MCPH1: variants seen among roughly 807,000 people sequenced by gnomAD.
MCPH1 encodes microcephalin 1.
In MCPH1, 104 loss-of-function variants were observed where a neutral mutation model predicts 84.5. That is an observed-to-expected ratio of 1.23 (90% CI 1.05 to 1.45). MCPH1 has a LOEUF of 1.45. MCPH1 is among the 40% of genes most tolerant of loss of function. The probability of loss-of-function intolerance (pLI) is 0.00; values close to 1 mark genes in which losing one functional copy is unlikely to be tolerated. For synonymous variants in MCPH1, 514 were observed against 366.8 expected (o/e 1.40, Z -4.58); for missense variants, 1,498 against 1,005.7 (o/e 1.49, Z -6.62).
chr8:6,633,765 G>C (rs1797334784), intron 13 of MCPH1, among the ~76,000 whole-genome samples: 1 of 152,136 alleles, frequency 6.6e-6, no homozygotes. Context: ...ACCTCACGTG[G>C]GGCCGAGAAC....
At chr8:6,631,633 C>A (rs1280070250) in intron 13 of MCPH1, among the ~76,000 whole-genome samples, 1 of 150,928 alleles carries the variant, frequency 6.6e-6, no homozygotes, top group Non-Finnish European at 1.5e-5. Flanking sequence ...CAGCACCTCA[C>A]ACCCATTATG....
In MCPH1 at chr8:6,406,657, C is replaced by T. The variant is rs748563799; in HGVS notation, c.-11C>T. On this transcript the variant is annotated 5_prime_UTR_variant, in exon 1 of 14. Transcript: ENST00000344683. The stretch of plus-strand genomic sequence containing the variant: ...CCGCGTAGGCCAGCTGGCCGGATCC[C>T]GCCGTCTGTCATGGCGGCCCCCATC... 8.1e-6 allele frequency: 13 copies of T among 1,611,830 alleles called. No individual in the cohort carries two copies. The highest frequency in any genetic ancestry group is 4.5e-5 in the East Asian group (2 of 44,830).
At chr8:6,549,699 G>T (rs904647654) in intron 12 of MCPH1, among the ~76,000 whole-genome samples, 1 of 137,556 alleles carries the variant, frequency 7.3e-6, no homozygotes, top group Non-Finnish European at 1.6e-5. Context: ...CGAGCTGGGC[G>T]GTCATTACAC....
intron 12 of MCPH1, chr8:6,513,909 T>C: frequency 7.0e-7 from 1 of 1,427,150 alleles, no homozygotes; most frequent in South Asian, 1.4e-5. Context: ...TTGAAGTGGA[T>C]AGTCCGTCAA....
chr8:6,517,104 C>T (rs1329055831), intron 12 of MCPH1, among the ~76,000 whole-genome samples: 1 of 152,156 alleles, frequency 6.6e-6, no homozygotes, highest in Non-Finnish European at 1.5e-5. Flanking sequence ...GAGTTATCTA[C>T]CCAGCCAGAA....
intron 3 of MCPH1, among the ~76,000 whole-genome samples, chr8:6,416,710 C>T (rs1024629137): frequency 6.6e-6 from 1 of 152,020 alleles, no homozygotes; most frequent in Non-Finnish European, 1.5e-5. Context: ...ATTGTTGGAA[C>T]AGGCCGGATG....
intron 12 of MCPH1, among the ~76,000 whole-genome samples, chr8:6,608,954 A>G (rs548727120): frequency 2.0e-4 from 30 of 152,304 alleles, no homozygotes; most frequent in Non-Finnish European, 3.5e-4. Flanking sequence ...ATGAGAATGC[A>G]CAGCTAGGAT....
chr8:6,456,949 T>C (rs1805746700), intron 9 of MCPH1, among the ~76,000 whole-genome samples: 1 of 152,094 alleles, frequency 6.6e-6, no homozygotes, highest in Non-Finnish European at 1.5e-5. Context: ...GAATGGGAGA[T>C]GGGTACCTGT....
At chr8:6,596,680 G>T (rs1252696390) in intron 12 of MCPH1, among the ~76,000 whole-genome samples, 2 of 152,072 alleles carry the variant, frequency 1.3e-5, no homozygotes, top group African/African-American at 4.8e-5. Flanking sequence ...TTACGGCATT[G>T]GGCTTTGTAT....
intron 12 of MCPH1, among the ~76,000 whole-genome samples, chr8:6,507,408 T>C (rs1813965003): frequency 6.6e-6 from 1 of 152,206 alleles, no homozygotes; most frequent in African/African-American, 2.4e-5. Flanking sequence ...CATTTTGCAC[T>C]ATTGGCAGAG....
intron 7 of MCPH1, among the ~76,000 whole-genome samples, chr8:6,444,025 G>T (rs11137028): frequency 5.3e-5 from 8 of 152,108 alleles, no homozygotes; most frequent in South Asian, 2.1e-4. Flanking sequence ...ACTTTCCCTA[G>T]ATCTTACAAC....
chr8:6,497,575 A>T (rs922764233), intron 11 of MCPH1, among the ~76,000 whole-genome samples: 1 of 152,168 alleles, frequency 6.6e-6, no homozygotes, highest in Admixed American at 6.6e-5. Flanking sequence ...ACTCCATCAT[A>T]ATATATGCTT....
intron 12 of MCPH1, among the ~76,000 whole-genome samples, chr8:6,543,524 C>T (rs1003604410): frequency 2.5e-4 from 38 of 152,122 alleles, no homozygotes; most frequent in African/African-American, 8.2e-4. Flanking sequence ...CTCCCATCTG[C>T]GGAATAAACC....
intron 12 of MCPH1, among the ~76,000 whole-genome samples, chr8:6,548,588 G>T (rs1430999902): frequency 6.6e-6 from 1 of 152,128 alleles, no homozygotes; most frequent in Non-Finnish European, 1.5e-5. Context: ...ATGAGCCAAG[G>T]TACAGAAAGT....
intron 4 of MCPH1, among the ~76,000 whole-genome samples, chr8:6,432,862 A>G (rs1169634533): frequency 6.6e-6 from 1 of 152,254 alleles, no homozygotes; most frequent in Non-Finnish European, 1.5e-5. Context: ...GTTTATTGTA[A>G]AAACACATCA....
At chr8:6,500,111 G>A in intron 12 of MCPH1, 182 bp downstream of exon 12, 2 of 618,962 alleles carry the variant, frequency 3.2e-6, no homozygotes, top group Non-Finnish European at 5.8e-6. Flanking sequence ...GTGAGAACGT[G>A]AGACCATTGT....
Position 6,504,166 on chromosome 8 carries a change from A to G in MCPH1, c.2214+4237A>G, listed in dbSNP as rs1309456411. Among the ~76,000 whole-genome samples, 3 of 151,766 alleles carry G rather than the reference A, an allele frequency of 2.0e-5. No homozygotes were observed. The South Asian group carries it at 6.3e-4, about 32-fold the overall frequency. On this transcript the variant is annotated intron_variant, in intron 12 of 13. Coordinates refer to ENST00000344683, the MANE Select transcript of MCPH1 (RefSeq NM_024596.5). Reference sequence around the variant, plus strand: ...ACCCCGTCTCTACTAAAAATACAAAAAATTAGCCGGGCGTGGTGGCGGACG... The same window carrying G: ...ACCCCGTCTCTACTAAAAATACAAAGAATTAGCCGGGCGTGGTGGCGGACG...
chr8:6,413,496 G>T (rs1798822491), intron 2 of MCPH1, among the ~76,000 whole-genome samples: 1 of 151,364 alleles, frequency 6.6e-6, no homozygotes, highest in African/African-American at 2.4e-5. Flanking sequence ...TCTCCATTTT[G>T]TGTATTCCTG....
At chr8:6,468,550 T>A (rs991492906) in intron 9 of MCPH1, among the ~76,000 whole-genome samples, 1 of 152,160 alleles carries the variant, frequency 6.6e-6, no homozygotes, top group Non-Finnish European at 1.5e-5. Flanking sequence ...ATACCGAGTT[T>A]GCTAGATGAA....
Sources: allele counts gnomAD v4.1 joint callset (sites outside exome capture counted in the v4.1 genomes callset), GRCh38; gene constraint gnomAD v4.1.1; transcripts MANE v1.5; gene names NCBI Gene and HGNC (gene_info 2026-07-23, HGNC 2026-07-21).